The following CYP4F22 variants were observed in gnomAD, a reference collection of about 807,000 sequenced individuals.
The protein encoded by CYP4F22 is cytochrome P450 family 4 subfamily F member 22, also known as ultra-long-chain fatty acid omega-hydroxylase.
Under a neutral mutation model 60.4 loss-of-function variants are expected in CYP4F22, and 37 were observed. That is an observed-to-expected ratio of 0.61 (90% confidence interval 0.47 to 0.81). The LOEUF (loss-of-function observed/expected upper bound fraction) is 0.81, where lower values mean the gene tolerates loss of function less well. Ranked by LOEUF, CYP4F22 falls within the 30% of genes least tolerant of loss-of-function variation. The pLI is 0.00. For synonymous variants in CYP4F22, 258 were observed against 280.5 expected, an observed-to-expected ratio of 0.92 and a Z score of 0.80; for missense variants, 655 against 715.0, an observed-to-expected ratio of 0.92 and a Z score of 0.96.
At chr19:15,548,807 T>C (rs1003045615) in intron 11 of CYP4F22, among the ~76,000 whole-genome samples, 4 of 152,040 alleles carry the variant, frequency 2.6e-5, no homozygotes, top group Non-Finnish European at 5.9e-5. Context: ...TTGAAAGGCC[T>C]TGAGTGCCAG....
chr19:15,544,323 G>C (rs1971498400), intron 10 of CYP4F22, 44 bp downstream of exon 10: 1 of 1,595,034 alleles, frequency 6.3e-7, no homozygotes, highest in African/African-American at 1.3e-5. Context: ...GTTGAGGCCA[G>C]AGCCTTGGGT....
chr19:15,529,601 T>C lies in CYP4F22; in HGVS notation c.223-108T>C, dbSNP rs1274088930. 4.8e-6 allele frequency: 7 copies of C among 1,471,828 alleles called. No homozygotes were observed. In the Admixed American group the frequency reaches 1.4e-4, roughly 29 times the overall value. The allele number at this position is 1,471,828 out of a possible 1,614,324, so 91.2% of individuals were successfully genotyped here. A position where few individuals can be genotyped will look rare whatever the true frequency, so the allele number is the denominator to read the frequency against. ...TGCAGCCAACTGCCTGAAATCATAA[T>C]GTAGCACTATTGGGCTTGTTTTGAG... is the stretch of plus-strand genomic sequence containing the variant. On this transcript the variant is annotated intron_variant, in intron 3 of 13. Transcript: ENST00000269703.
chr19:15,526,363 A>G (rs891261800), intron 3 of CYP4F22, among the ~76,000 whole-genome samples: 10 of 152,018 alleles, frequency 6.6e-5, no homozygotes, highest in Admixed American at 6.6e-4. Context: ...TATTGCATTG[A>G]ATTTTTTTCT....
At chr19:15,509,964 CTT>C (rs1491503615) in intron 1 of CYP4F22, among the ~76,000 whole-genome samples, 138 of 122,566 alleles carry the variant, frequency 1.1e-3, no homozygotes, top group African/African-American at 3.5e-3. Flanking sequence ...GTCTCTCTCT[CTT>C]TCTTTCTTTC....
chr19:15,548,068 A>G, intron 10 of CYP4F22, 40 bp from the exon 11 acceptor site: 1 of 1,585,252 alleles, frequency 6.3e-7, no homozygotes. Flanking sequence ...AGGTGGTGCC[A>G]TGGTGGCTCG....
rs763109569 is a variant in CYP4F22, at chr19:15,548,178, ACT to A, written c.1210_1211del (p.Leu404CysfsTer39). The A allele has an allele frequency of 1.2e-6, 2 of 1,613,692 alleles. No homozygotes were observed. The highest frequency in any genetic ancestry group is 4.5e-5 in the East Asian group (2 of 44,854). On this transcript the variant is annotated frameshift_variant, in exon 11 of 14. Coordinates refer to ENST00000269703, the MANE Select transcript of CYP4F22 (RefSeq NM_173483.4). LOFTEE classifies it high-confidence loss of function. ...GAGCCTGCGCCAGTACCCACCTGTC[ACT>A]CTTGTCTCTCGCCAATGCACGGAGG... ...KESLRQYPPVTLVSRQCTEDI... is the reference protein window; with the variant it reads ...KESLRQYPPVXLVSRQCTEDI...
chr19:15,536,481 G>C (rs540142713), intron 4 of CYP4F22, among the ~76,000 whole-genome samples: 40 of 152,174 alleles, frequency 2.6e-4, no homozygotes, highest in Non-Finnish European at 5.0e-4. Flanking sequence ...AGGGTGATGG[G>C]TGTGTGAGCA....
chr19:15,519,764 C>A lies in CYP4F22; in HGVS notation c.-108-3929C>A, dbSNP rs534855070. 8.9e-4 allele frequency among the ~76,000 whole-genome samples: 135 copies of A among 152,232 alleles called. 4 individuals carry two copies. Among genetic ancestry groups the A allele is most frequent in the Non-Finnish European group, 1.6e-4 (11 of 68,030 alleles). On this transcript the variant is annotated intron_variant, in intron 1 of 13. Coordinates refer to ENST00000269703, the MANE Select transcript of CYP4F22 (RefSeq NM_173483.4). ...GCTCCTGGGGGTGGATGTGATGATT[C>A]ATGTGACCCCTGTTGGCTGAATATG...
At chr19:15,516,757 G>A in intron 1 of CYP4F22, 1 of 621,028 alleles carries the variant, frequency 1.6e-6, no homozygotes, top group Non-Finnish European at 2.7e-6. Flanking sequence ...GGAATCCCTG[G>A]ACTCTGGAAA....
chr19:15,550,837 G>T, intron 13 of CYP4F22, 81 bp downstream of exon 13: 1 of 1,536,340 alleles, frequency 6.5e-7, no homozygotes. Flanking sequence ...CCTCTCAGGA[G>T]CAGAGATCAG....
chr19:15,547,269 C>T (rs2144544101), intron 10 of CYP4F22, among the ~76,000 whole-genome samples: 3 of 151,662 alleles, frequency 2.0e-5, no homozygotes, highest in Admixed American at 2.0e-4. Context: ...AGACGATCGC[C>T]CATCTCAGCC....
intron 4 of CYP4F22, among the ~76,000 whole-genome samples, chr19:15,532,241 C>G (rs956890517): frequency 6.6e-6 from 1 of 150,814 alleles, no homozygotes; most frequent in Non-Finnish European, 1.5e-5. Context: ...TTCTACTTCT[C>G]TCTCTACTCC....
chr19:15,540,763 T>C, intron 8 of CYP4F22, 46 bp downstream of exon 8: 2 of 318,278 alleles, frequency 6.3e-6, no homozygotes, highest in East Asian at 1.3e-4. Context: ...AGGGCTGGCC[T>C]CCCGAGGAAT....
At chr19:15,537,443 G>A in intron 5 of CYP4F22, 29 bp downstream of exon 5, 1 of 1,614,204 alleles carries the variant, frequency 6.2e-7, no homozygotes. Context: ...GGCTGGGGCT[G>A]GGGCTTTAGA....
intron 4 of CYP4F22, among the ~76,000 whole-genome samples, chr19:15,530,796 A>G (rs1450594980): frequency 6.6e-6 from 1 of 152,088 alleles, no homozygotes; most frequent in African/African-American, 2.4e-5. Context: ...CCATGATTCA[A>G]TTACCCCCCA....
chr19:15,538,466 G>C (rs1971424665), intron 7 of CYP4F22, among the ~76,000 whole-genome samples: 1 of 152,182 alleles, frequency 6.6e-6, no homozygotes, highest in Non-Finnish European at 1.5e-5. Flanking sequence ...TTGAGTAAAT[G>C]AATCAAATAA....
chr19:15,512,224 G>A (rs1310893205), intron 1 of CYP4F22, among the ~76,000 whole-genome samples: 1 of 152,206 alleles, frequency 6.6e-6, no homozygotes, highest in Non-Finnish European at 1.5e-5. Flanking sequence ...GGCAAAGGGA[G>A]GCTGATGGCA....
chr19:15,541,737 G>T (rs113140593), intron 8 of CYP4F22, among the ~76,000 whole-genome samples: 2,339 of 151,840 alleles, frequency 0.015, 66 homozygotes, highest in African/African-American at 0.053. Context: ...AAAATTAGCC[G>T]GGCGTGGTGG....
intron 1 of CYP4F22, chr19:15,516,745 C>T (rs1971159535): frequency 3.2e-6 from 2 of 633,508 alleles, no homozygotes; most frequent in Non-Finnish European, 5.2e-6. Context: ...TGTATTCAAC[C>T]TGGAATCCCT....
Sources: allele counts gnomAD v4.1 joint callset (sites outside exome capture counted in the v4.1 genomes callset), GRCh38; gene constraint gnomAD v4.1.1; transcripts MANE v1.5; gene names NCBI Gene and HGNC (gene_info 2026-07-23, HGNC 2026-07-21).